Variants in RPS6KC1 observed in about 807,000 individuals in gnomAD.
The protein encoded by RPS6KC1 is inactive ribosomal protein S6 kinase delta-1.
Under a neutral mutation model 103.8 loss-of-function variants are expected in RPS6KC1, and 54 were observed. The observed-to-expected ratio is 0.52, with a 90% CI of 0.42 to 0.65. The LOEUF (loss-of-function observed/expected upper bound fraction) is 0.65, where lower values mean the gene tolerates loss of function less well. RPS6KC1 is among the 30% of genes least tolerant of loss of function. The pLI is 0.00. For synonymous variants in RPS6KC1, 439 were observed against 438.7 expected (o/e 1.00, Z -0.01); for missense variants, 1,151 against 1,253.8 (o/e 0.92, Z 1.24).
the RPS6KC1 span, among the ~76,000 whole-genome samples, chr1:213,645,371 C>T: frequency 6.6e-6 from 1 of 152,086 alleles, no homozygotes; most frequent in Non-Finnish European, 1.5e-5. Context: ...GTGAGAAATT[C>T]ATTGGCAAGT....
the RPS6KC1 span, among the ~76,000 whole-genome samples, chr1:213,322,497 A>G: frequency 1.3e-5 from 2 of 152,224 alleles, no homozygotes; most frequent in African/African-American, 4.8e-5. Context: ...GTAGACCAGT[A>G]AGAAGGGTGT....
the RPS6KC1 span, among the ~76,000 whole-genome samples, chr1:213,638,679 C>T: frequency 3.3e-5 from 5 of 151,790 alleles, no homozygotes; most frequent in Non-Finnish European, 4.4e-5. Flanking sequence ...TTTGTATGGG[C>T]CTGTTTTTGG....
At chr1:213,172,602 GAAC>G (rs1214864195) in intron 7 of RPS6KC1, among the ~76,000 whole-genome samples, 1 of 152,188 alleles carries the variant, frequency 6.6e-6, no homozygotes, top group Non-Finnish European at 1.5e-5. Flanking sequence ...GACAGAGCGA[GAAC>G]AACAATAGTA....
the RPS6KC1 span, among the ~76,000 whole-genome samples, chr1:213,608,753 T>C: frequency 1.3e-5 from 2 of 152,232 alleles, no homozygotes; most frequent in Non-Finnish European, 2.9e-5. Flanking sequence ...TATATTTTTA[T>C]AGAATAGTCA....
At chr1:213,119,598 G>A (rs1018326366) in intron 5 of RPS6KC1, among the ~76,000 whole-genome samples, 1 of 150,758 alleles carries the variant, frequency 6.6e-6, no homozygotes, top group Non-Finnish European at 1.5e-5. Context: ...TATGGGAGTA[G>A]TTATATTCTT....
the RPS6KC1 span, among the ~76,000 whole-genome samples, chr1:213,507,331 C>T: frequency 3.3e-5 from 5 of 152,164 alleles, no homozygotes; most frequent in South Asian, 2.1e-4. Flanking sequence ...GTGTTGGCAG[C>T]GCAGGGTGGG....
intron 6 of RPS6KC1, among the ~76,000 whole-genome samples, chr1:213,136,678 C>T (rs1430929851): frequency 6.6e-6 from 1 of 152,008 alleles, no homozygotes; most frequent in Non-Finnish European, 1.5e-5. Context: ...ATTATATATA[C>T]AGAAAAGTAA....
chr1:213,056,225 G>T (rs1270640964), intron 1 of RPS6KC1, among the ~76,000 whole-genome samples: 1 of 152,148 alleles, frequency 6.6e-6, no homozygotes, highest in East Asian at 1.9e-4. Flanking sequence ...ATTTGTCACA[G>T]GGGCCCGGTG....
chr1:213,177,563 T>A (rs1300855235), intron 8 of RPS6KC1, among the ~76,000 whole-genome samples: 1 of 152,196 alleles, frequency 6.6e-6, no homozygotes, highest in African/African-American at 2.4e-5. Context: ...CTGGCAAGGA[T>A]CATTTTTCTC....
intron 3 of RPS6KC1, among the ~76,000 whole-genome samples, chr1:213,093,187 G>A (rs1365212382): frequency 1.3e-5 from 2 of 151,454 alleles, no homozygotes. Context: ...TGTGTGGAAG[G>A]AATTGTTGGT....
chr1:213,643,413 G>GT, the RPS6KC1 span, among the ~76,000 whole-genome samples: 1 of 151,104 alleles, frequency 6.6e-6, no homozygotes, highest in South Asian at 2.1e-4. Flanking sequence ...ATTTTGAAGG[G>GT]TATTATTTCT....
chr1:213,224,577 T>A (rs2093915903), intron 8 of RPS6KC1, among the ~76,000 whole-genome samples: 1 of 152,222 alleles, frequency 6.6e-6, no homozygotes, highest in South Asian at 2.1e-4. Flanking sequence ...GTACTTGTTT[T>A]ATCATGAAAT....
At chr1:213,320,671 C>T in the RPS6KC1 span, among the ~76,000 whole-genome samples, 4 of 152,226 alleles carry the variant, frequency 2.6e-5, no homozygotes, top group Non-Finnish European at 5.9e-5. Context: ...CTTTTCTTCT[C>T]CCTCCGGGAT....
chr1:213,256,755 G>A (rs1465717865), intron 12 of RPS6KC1, among the ~76,000 whole-genome samples: 2 of 152,096 alleles, frequency 1.3e-5, no homozygotes. Context: ...TTATTTACCT[G>A]TTATGGACCC....
At chr1:213,282,672 G>GAGCC in the RPS6KC1 span, among the ~76,000 whole-genome samples, 1 of 152,196 alleles carries the variant, frequency 6.6e-6, no homozygotes, top group Non-Finnish European at 1.5e-5. Flanking sequence ...ATTAACTCTT[G>GAGCC]TCATCATTGA....
chr1:213,192,093 T>TA (rs1222402943), intron 8 of RPS6KC1, among the ~76,000 whole-genome samples: 1 of 152,200 alleles, frequency 6.6e-6, no homozygotes, highest in African/African-American at 2.4e-5. Context: ...TGAGGGTTTT[T>TA]ATCATGAAGG....
In RPS6KC1 at chr1:213,255,524, G is replaced by A. The variant is rs566876186; in HGVS notation, c.2912-6034G>A. Among the ~76,000 whole-genome samples the A allele has an allele frequency of 5.1e-4, 78 of 152,080 alleles. 2 individuals are homozygous for A. In the Middle Eastern group the frequency reaches 0.02, roughly 40 times the overall value. On this transcript the variant is annotated intron_variant, in intron 12 of 14. Transcript: ENST00000366960. ...ATACCTGATGTTTATAGTAACTATC[G>A]TGTTGCTTTATATATAAATCAGTGT...
the RPS6KC1 span, among the ~76,000 whole-genome samples, chr1:213,456,340 A>G: frequency 1.3e-5 from 2 of 152,134 alleles, no homozygotes; most frequent in African/African-American, 4.8e-5. Context: ...CTTGACATAC[A>G]CAAAAGATAG....
chr1:213,135,544 TTAAAA>T (rs2086177230), intron 6 of RPS6KC1, among the ~76,000 whole-genome samples: 1 of 152,204 alleles, frequency 6.6e-6, no homozygotes, highest in Non-Finnish European at 1.5e-5. Context: ...TTTTTCTGTT[TTAAAA>T]TAAAATGTGT....
Sources: gnomAD v4.1 joint callset for allele counts (sites outside exome capture counted in the v4.1 genomes callset) on GRCh38, gnomAD v4.1.1 for gene constraint, MANE v1.5 for transcripts, NCBI Gene and HGNC (gene_info 2026-07-23, HGNC 2026-07-21) for gene names.